Variants in UNKL observed in about 807,000 individuals in gnomAD.
The protein encoded by UNKL is putative E3 ubiquitin-protein ligase UNKL.
UNKL carries 60 observed loss-of-function variants against 78.0 expected under a neutral mutation model. The ratio of observed to expected loss-of-function variants is 0.77; its 90% CI spans 0.63 to 0.95. UNKL has a LOEUF of 0.95. Ranked by LOEUF, UNKL falls within the 40% of genes least tolerant of loss-of-function variation. The pLI is 0.00. For synonymous variants in UNKL, 608 were observed against 474.8 expected, an observed-to-expected ratio of 1.28 and a Z score of -3.65; for missense variants, 1,159 against 1,045.7, an observed-to-expected ratio of 1.11 and a Z score of -1.49.
chr16:1,401,569 T>C lies in UNKL; in HGVS notation c.597A>G (p.Gln199=). The C allele has an allele frequency of 6.4e-7, 1 of 1,561,516 alleles. No homozygotes were observed. The highest frequency in any genetic ancestry group is 8.7e-7 in the Non-Finnish European group (1 of 1,149,110). The change falls in exon 4 of 15, where the codon CAA becomes CAG. Residue 199 remains glutamine, a splice_region_variant and synonymous_variant. Coordinates refer to ENST00000389221, the MANE Select transcript of UNKL (RefSeq NM_001372107.1). ...CCTCAGCTGCGGCCGTGGAGTTACC[T>C]TGCCACCGGGGGTCCTCGCTCAGGA... The part of the protein sequence containing the change: ...EKILSEDPRW[Q]DANFVLGSYK...
intron 10 of UNKL, among the ~76,000 whole-genome samples, chr16:1,374,773 G>A (rs1007639088): frequency 2.6e-5 from 4 of 152,184 alleles, no homozygotes; most frequent in Non-Finnish European, 4.4e-5. Flanking sequence ...CCACACAGGG[G>A]GCATCCCAAA....
Position 1,369,915 on chromosome 16 carries a change from C to T in UNKL, c.1585+215G>A, listed in dbSNP as rs192876858. ...GCTTGAACCTGGGAGGCGGAGGTTGCGGCGAGCCGAGATCGTACCATTGCA... is the reference window on the plus strand; with the variant it reads ...GCTTGAACCTGGGAGGCGGAGGTTGTGGCGAGCCGAGATCGTACCATTGCA... On this transcript the variant is annotated intron_variant, in intron 12 of 14. Coordinates refer to ENST00000389221, the MANE Select transcript of UNKL (RefSeq NM_001372107.1). The T allele has an allele frequency of 1.6e-4, 251 of 1,535,542 alleles. 3 individuals carry two copies. In the East Asian group the frequency reaches 5.4e-3, roughly 33 times the overall value.
At chr16:1,379,519 C>T (rs1031972049) in intron 10 of UNKL, 17 of 985,158 alleles carry the variant, frequency 1.7e-5, no homozygotes, top group Admixed American at 6.2e-5. Context: ...GGCTCCGTGA[C>T]GCGGGGGACG....
intron 9 of UNKL, among the ~76,000 whole-genome samples, chr16:1,386,746 G>A (rs1352254532): frequency 4.6e-5 from 7 of 152,218 alleles, no homozygotes; most frequent in South Asian, 2.1e-4. Context: ...ACAAGAACGC[G>A]CCTGGCTCCT....
chr16:1,407,073 CG>C (rs1452954343), intron 2 of UNKL, among the ~76,000 whole-genome samples: 1 of 151,240 alleles, frequency 6.6e-6, no homozygotes, highest in Non-Finnish European at 1.5e-5. Context: ...CACTTGAACC[CG>C]GGAGGTGGAT....
rs554254989 is a variant in UNKL at position 1,378,892 on chromosome 16, C to G, written c.1264+6316G>C. On this transcript the variant is annotated intron_variant, in intron 10 of 14. Transcript: ENST00000389221. ...CACCGTCCTGGCCCACTTTCTCACC[C>G]GCAGCTTCTCCCCCACCTCACCTCA... 2.0e-5 allele frequency: 3 copies of G among 152,634 alleles called. No individual in the cohort carries two copies. The East Asian group carries it at 5.8e-4, about 29-fold the overall frequency. 9.5% of individuals were successfully genotyped at this position (152,634 alleles called of 1,614,324 possible).
chr16:1,405,760 C>A, intron 2 of UNKL: 1 of 341,746 alleles, frequency 2.9e-6, no homozygotes, highest in South Asian at 2.2e-5. Context: ...CCGAGACAAT[C>A]AGTGAGCAGA....
chr16:1,377,327 G>T (rs1461826035), intron 10 of UNKL, among the ~76,000 whole-genome samples: 2 of 151,832 alleles, frequency 1.3e-5, no homozygotes, highest in African/African-American at 4.8e-5. Context: ...AGCCTCAAAT[G>T]CAACTTTCAG....
chr16:1,409,410 G>C lies in UNKL; in HGVS notation c.287+4436C>G, dbSNP rs1168950775. Among the ~76,000 whole-genome samples, 15 of 23,062 alleles carry C rather than the reference G, an allele frequency of 6.5e-4. No individual in the cohort carries two copies. The Admixed American group carries it at 7.0e-3, about 11-fold the overall frequency. 15.1% of individuals were successfully genotyped at this position (23,062 alleles called of 152,430 possible). A position where few individuals can be genotyped will look rare whatever the true frequency, so the allele number is the denominator to read the frequency against. On this transcript the variant is annotated intron_variant, in intron 2 of 14. Transcript: ENST00000389221. ...TGGAATGAAGGATAATTATGGAGGA[G>C]AGATCTCAGGGGAGGCAGCCTGTCA...
chr16:1,369,244 ATT>A (rs931717466), intron 12 of UNKL, among the ~76,000 whole-genome samples: 1 of 142,806 alleles, frequency 7.0e-6, no homozygotes, highest in African/African-American at 2.6e-5. Flanking sequence ...TAATTTTTGT[ATT>A]TTTAGTAGAG....
At chr16:1,401,755 GA>G in intron 3 of UNKL, 54 bp from the exon 4 acceptor site, 2 of 1,561,260 alleles carry the variant, frequency 1.3e-6, no homozygotes, top group Non-Finnish European at 1.7e-6. Context: ...CTCCAAAGCT[GA>G]AACGAGGTCA....
intron 6 of UNKL, 109 bp downstream of exon 6, chr16:1,397,069 C>G: frequency 1.6e-6 from 2 of 1,243,336 alleles, no homozygotes; most frequent in Non-Finnish European, 2.2e-6. Context: ...TGCCAGCCCT[C>G]GGCCAAAGTT....
At chr16:1,367,534 C>T in intron 13 of UNKL, 122 bp downstream of exon 13, 1 of 978,580 alleles carries the variant, frequency 1.0e-6, no homozygotes, top group Non-Finnish European at 1.4e-6. Context: ...TCACCCCCCA[C>T]ACGCTCACCT....
intron 6 of UNKL, among the ~76,000 whole-genome samples, chr16:1,395,039 G>A (rs769340125): frequency 6.6e-6 from 1 of 152,132 alleles, no homozygotes; most frequent in Non-Finnish European, 1.5e-5. Context: ...CACCACACCT[G>A]GCTAATTTTT....
In UNKL at chr16:1,399,008, C is replaced by T. The variant is rs2037398386; in HGVS notation, c.734+366G>A. The T allele has an allele frequency of 2.1e-6, 3 of 1,462,310 alleles. No homozygotes were observed. The highest frequency in any genetic ancestry group is 2.7e-6 in the Non-Finnish European group (3 of 1,104,264). 90.6% of individuals were successfully genotyped at this position (1,462,310 alleles called of 1,614,324 possible). A position where few individuals can be genotyped will look rare whatever the true frequency, so the allele number is the denominator to read the frequency against. On this transcript the variant is annotated intron_variant, in intron 5 of 14. Transcript: ENST00000389221. This position sits in a 1 kb window ranked among gnomAD's most constrained non-coding sequence, Gnocchi z 5.8. ...GCCCCTGGCAGCTTGGGTGAGGAGA[C>T]AGCATGCAGCCCACAGGCTGGAGAG...
At chr16:1,410,126 T>G (rs1341267989) in intron 2 of UNKL, among the ~76,000 whole-genome samples, 1 of 151,904 alleles carries the variant, frequency 6.6e-6, no homozygotes, top group Non-Finnish European at 1.5e-5. Context: ...TCTCGCCGGG[T>G]GCAGGGCTGC....
At position 1,370,479 on chromosome 16, in the gene UNKL, G is replaced by A. The variant is rs2035713930; in HGVS notation, c.1358-122C>T. 2.9e-6 allele frequency: 4 copies of A among 1,392,000 alleles called. 1 individual carries two copies. Among genetic ancestry groups the A allele is most frequent in the African/African-American group, 2.9e-5 (2 of 67,896 alleles). The allele number at this position is 1,392,000 out of a possible 1,614,324, so 86.2% of individuals were successfully genotyped here. ...GGTGGTGGTGGGGATATGGGGGGTG[G>A]GAATATAGGGGCCAGGCCAGCCACC... On this transcript the variant is annotated intron_variant, in intron 11 of 14. Transcript: ENST00000389221.
chr16:1,394,749 C>G lies in UNKL; in HGVS notation c.853-534G>C, dbSNP rs557931770. 2.6e-5 allele frequency among the ~76,000 whole-genome samples: 4 copies of G among 152,292 alleles called. No individual in the cohort carries two copies. In the East Asian group the frequency reaches 7.7e-4, roughly 29 times the overall value. ...TCCGTAAAGGACACGGCACCTGGCA[C>G]GCCAGGCCTCCAGTGCCCACACCTG... On this transcript the variant is annotated intron_variant, in intron 6 of 14. Transcript: ENST00000389221.
intron 7 of UNKL, among the ~76,000 whole-genome samples, chr16:1,393,697 C>A (rs1260179820): frequency 6.6e-6 from 1 of 151,694 alleles, no homozygotes; most frequent in African/African-American, 2.4e-5. Context: ...GGCGGACAGA[C>A]CCCCTCTCTC....
Sources: allele counts gnomAD v4.1 joint callset (sites outside exome capture counted in the v4.1 genomes callset), GRCh38; gene constraint gnomAD v4.1.1; non-coding constraint Gnocchi (gnomAD v3.1); transcripts MANE v1.5; gene names NCBI Gene and HGNC (gene_info 2026-07-23, HGNC 2026-07-21).